Variants in ASAP1 observed in about 807,000 individuals in gnomAD.
ASAP1 encodes arf-GAP with SH3 domain, ANK repeat and PH domain-containing protein 1.
Under a neutral mutation model 145.2 loss-of-function variants are expected in ASAP1, and 43 were observed. The observed-to-expected ratio is 0.30, with a 90% CI of 0.23 to 0.38. ASAP1 has a LOEUF of 0.38. Ranked by LOEUF, ASAP1 falls within the 10% of genes least tolerant of loss-of-function variation. ASAP1 has a pLI of 1.00. For synonymous variants in ASAP1, 546 were observed against 515.5 expected, an observed-to-expected ratio of 1.06 and a Z score of -0.80; for missense variants, 1,018 against 1,355.3, an observed-to-expected ratio of 0.75 and a Z score of 3.91.
At chr8:130,203,797 A>C (rs1816023584) in intron 5 of ASAP1, among the ~76,000 whole-genome samples, 1 of 152,216 alleles carries the variant, frequency 6.6e-6, no homozygotes, top group Non-Finnish European at 1.5e-5. Flanking sequence ...ATCTGGGCCT[A>C]AAGAAAGAGC....
chr8:130,214,403 G>A (rs574370054), intron 5 of ASAP1, among the ~76,000 whole-genome samples, 153 bp downstream of exon 5: 22 of 152,294 alleles, frequency 1.4e-4, no homozygotes, highest in Non-Finnish European at 1.5e-5. Context: ...TAGTTGAGGT[G>A]TGGAAGTTAC....
chr8:130,161,753 G>C (rs2097669664), intron 11 of ASAP1, among the ~76,000 whole-genome samples: 1 of 152,066 alleles, frequency 6.6e-6, no homozygotes, highest in African/African-American at 2.4e-5. Context: ...CTTGAATCTA[G>C]GATTTTCTTG....
At chr8:130,076,585 G>A (rs1324361920) in intron 26 of ASAP1, among the ~76,000 whole-genome samples, 179 bp from the exon 27 acceptor site, 2 of 151,962 alleles carry the variant, frequency 1.3e-5, no homozygotes, top group Non-Finnish European at 2.9e-5. Context: ...GTAGTGGCGC[G>A]ATCTCTGCTC....
chr8:130,325,464 T>A (rs1187767162), intron 3 of ASAP1, among the ~76,000 whole-genome samples: 1 of 152,252 alleles, frequency 6.6e-6, no homozygotes, highest in East Asian at 1.9e-4. Context: ...ACTTATCATA[T>A]TTTGTTCACT....
intron 25 of ASAP1, chr8:130,083,199 G>C (rs1371994287): frequency 1.3e-5 from 2 of 152,208 alleles, no homozygotes; most frequent in African/African-American, 2.4e-5. Context: ...CAAATGTCCA[G>C]AGTTCTCACT....
At chr8:130,161,251 C>T (rs2097668637) in intron 11 of ASAP1, among the ~76,000 whole-genome samples, 1 of 151,878 alleles carries the variant, frequency 6.6e-6, no homozygotes, top group African/African-American at 2.4e-5. Flanking sequence ...AGTTCATAAA[C>T]AACACCTGAA....
intron 3 of ASAP1, among the ~76,000 whole-genome samples, chr8:130,356,676 C>T (rs1017706779): frequency 1.3e-5 from 2 of 152,174 alleles, no homozygotes; most frequent in African/African-American, 2.4e-5. Context: ...GGAAGTATGC[C>T]GGAATGACAC....
At chr8:130,212,798 C>CAT (rs762643648) in intron 5 of ASAP1, among the ~76,000 whole-genome samples, 2 of 152,212 alleles carry the variant, frequency 1.3e-5, no homozygotes, top group Non-Finnish European at 2.9e-5. Context: ...GGCACATATA[C>CAT]ACACAGTTGA....
intron 3 of ASAP1, among the ~76,000 whole-genome samples, chr8:130,354,757 C>T (rs1282556926): frequency 1.3e-5 from 2 of 152,154 alleles, no homozygotes; most frequent in African/African-American, 4.8e-5. Flanking sequence ...AACACCAGCT[C>T]ATCCATTCCT....
Position 130,358,580 on chromosome 8 carries a change from G to A in ASAP1, c.60-437C>T, listed in dbSNP as rs1358555610. Among the ~76,000 whole-genome samples the A allele has an allele frequency of 2.0e-5, 3 of 147,380 alleles. No individual in the cohort carries two copies. The highest frequency in any genetic ancestry group is 3.0e-5 in the Non-Finnish European group (2 of 66,168). ...CTCAGACGCGCTGACAGGCGGCGGCGCGGGCCTGACTGACTGAGCGCACAC... is the reference window on the plus strand; with the variant it reads ...CTCAGACGCGCTGACAGGCGGCGGCACGGGCCTGACTGACTGAGCGCACAC... On this transcript the variant is annotated intron_variant, in intron 2 of 29. Coordinates refer to ENST00000518721, the MANE Select transcript of ASAP1 (RefSeq NM_018482.4). The surrounding 1 kb of genome is among the most constrained non-coding windows in gnomAD (Gnocchi z 4.1).
intron 29 of ASAP1, among the ~76,000 whole-genome samples, chr8:130,057,506 TG>T (rs2097406780): frequency 6.6e-6 from 1 of 152,094 alleles, no homozygotes; most frequent in South Asian, 2.1e-4. Flanking sequence ...TGGAGTGTAG[TG>T]GTGTGATCTC....
intron 20 of ASAP1, among the ~76,000 whole-genome samples, chr8:130,117,950 C>A (rs1316251482): frequency 2.0e-5 from 3 of 152,230 alleles, no homozygotes; most frequent in Non-Finnish European, 4.4e-5. Flanking sequence ...TGCTTGTTTA[C>A]ACATTGTCAG....
intron 2 of ASAP1, among the ~76,000 whole-genome samples, chr8:130,382,451 T>C (rs1827825401): frequency 6.6e-6 from 1 of 152,170 alleles, no homozygotes; most frequent in South Asian, 2.1e-4. Flanking sequence ...AAGTAACAAG[T>C]AACTGCTCTG....
intron 3 of ASAP1, among the ~76,000 whole-genome samples, chr8:130,264,074 G>A (rs983043457): frequency 2.6e-5 from 4 of 152,206 alleles, no homozygotes; most frequent in Admixed American, 2.0e-4. Context: ...TGATGGACAG[G>A]ACATGGTGTG....
At chr8:130,436,108 A>T (rs1228024944) in intron 1 of ASAP1, among the ~76,000 whole-genome samples, 2 of 152,272 alleles carry the variant, frequency 1.3e-5, no homozygotes, top group Non-Finnish European at 2.9e-5. Context: ...TAGTATATTT[A>T]AAATGAAGAT....
At chr8:130,055,993 T>C (rs1322117658) in intron 29 of ASAP1, among the ~76,000 whole-genome samples, 1 of 152,256 alleles carries the variant, frequency 6.6e-6, no homozygotes, top group Non-Finnish European at 1.5e-5. Flanking sequence ...GCACACACAA[T>C]GTCCCCTAGG....
At chr8:130,114,459 T>G (rs1490580970) in intron 23 of ASAP1, among the ~76,000 whole-genome samples, 3 of 152,240 alleles carry the variant, frequency 2.0e-5, no homozygotes, top group South Asian at 2.1e-4. Flanking sequence ...TAAATGGAGC[T>G]GGAAGGACTG....
At position 130,196,996 on chromosome 8, in the gene ASAP1, G is replaced by A. The variant is rs150074301; in HGVS notation, c.406-8813C>T. On this transcript the variant is annotated intron_variant, in intron 5 of 29. Coordinates refer to ENST00000518721, the MANE Select transcript of ASAP1 (RefSeq NM_018482.4). The stretch of plus-strand genomic sequence containing the variant: ...ATTAGGCTGCTTTCCAAGGTACTGT[G>A]ATACAGAGCAAAGAATCCCAGAGGC... Among the ~76,000 whole-genome samples, 11 of 152,366 alleles carry A rather than the reference G, an allele frequency of 7.2e-5. No individual in the cohort carries two copies. In the South Asian group the frequency reaches 1.4e-3, roughly 20 times the overall value.
At chr8:130,165,123 T>C (rs1279346996) in intron 11 of ASAP1, among the ~76,000 whole-genome samples, 2 of 152,230 alleles carry the variant, frequency 1.3e-5, no homozygotes, top group African/African-American at 4.8e-5. Context: ...AATCAAATCA[T>C]GTGCATTTCA....
Sources: gnomAD v4.1 joint callset for allele counts (sites outside exome capture counted in the v4.1 genomes callset) on GRCh38, gnomAD v4.1.1 for gene constraint, Gnocchi (gnomAD v3.1) non-coding constraint, MANE v1.5 for transcripts, NCBI Gene and HGNC (gene_info 2026-07-23, HGNC 2026-07-21) for gene names.